The following TCF4 variants were observed in gnomAD, a reference collection of about 807,000 sequenced individuals.
TCF4 encodes transcription factor 4.
In TCF4, 3 loss-of-function variants were observed where a neutral mutation model predicts 82.1. The observed-to-expected ratio is 0.04, with a 90% confidence interval of 0.02 to 0.09. The LOEUF (loss-of-function observed/expected upper bound fraction) is 0.09. Ranked by LOEUF, TCF4 falls within the 10% of genes least tolerant of loss-of-function variation. TCF4 has a pLI of 1.00. For synonymous variants in TCF4, 276 were observed against 309.6 expected (o/e 0.89, Z 1.14); for missense variants, 518 against 852.7 (o/e 0.61, Z 4.89).
At chr18:55,287,303 T>C (rs2063914733) in intron 8 of TCF4, among the ~76,000 whole-genome samples, 1 of 152,194 alleles carries the variant, frequency 6.6e-6, no homozygotes, top group African/African-American at 2.4e-5. Context: ...TCCATATCTA[T>C]ACACCCCATC....
intron 3 of TCF4, among the ~76,000 whole-genome samples, chr18:55,527,707 GTTC>G (rs1409135332): frequency 6.6e-6 from 1 of 152,108 alleles, no homozygotes; most frequent in Non-Finnish European, 1.5e-5. Context: ...GAAAAAGAGA[GTTC>G]TTTTTAGGAA....
At chr18:55,233,209 T>C (rs1372120906) in intron 16 of TCF4, among the ~76,000 whole-genome samples, 1 of 152,208 alleles carries the variant, frequency 6.6e-6, no homozygotes, top group Non-Finnish European at 1.5e-5. Flanking sequence ...ATTTTAGAAA[T>C]TTCTAGCTTT....
chr18:55,484,162 T>G (rs983029006), intron 3 of TCF4, among the ~76,000 whole-genome samples: 1 of 152,222 alleles, frequency 6.6e-6, no homozygotes, highest in African/African-American at 2.4e-5. Flanking sequence ...ACTCCAAATT[T>G]GGATGAAAGA....
intron 8 of TCF4, among the ~76,000 whole-genome samples, chr18:55,289,925 G>A (rs2064643463): frequency 6.6e-6 from 1 of 152,106 alleles, no homozygotes; most frequent in East Asian, 1.9e-4. Flanking sequence ...ATATGTGTGT[G>A]TGCATGTAAT....
At chr18:55,329,827 A>G (rs2077201678) in intron 8 of TCF4, among the ~76,000 whole-genome samples, 2 of 152,250 alleles carry the variant, frequency 1.3e-5, no homozygotes, top group African/African-American at 4.8e-5. Context: ...TGTTTTCAAC[A>G]ATGTCAGCAC....
chr18:55,363,832 T>A (rs920996922), intron 6 of TCF4, among the ~76,000 whole-genome samples: 9 of 151,856 alleles, frequency 5.9e-5, no homozygotes, highest in Admixed American at 1.3e-4. Context: ...TAAATAAAAA[T>A]AAATGAAAAC....
chr18:55,241,603 C>A (rs1230859574), intron 15 of TCF4, among the ~76,000 whole-genome samples: 1 of 152,192 alleles, frequency 6.6e-6, no homozygotes, highest in African/African-American at 2.4e-5. Flanking sequence ...CTGCTGACCT[C>A]CACACAGTTT....
At chr18:55,487,594 T>C (rs2096531075) in intron 3 of TCF4, among the ~76,000 whole-genome samples, 1 of 152,176 alleles carries the variant, frequency 6.6e-6, no homozygotes, top group Non-Finnish European at 1.5e-5. Context: ...TAAATGGTGA[T>C]AGAAATATAT....
intron 3 of TCF4, among the ~76,000 whole-genome samples, chr18:55,515,361 G>A (rs1247406173): frequency 6.6e-6 from 1 of 152,152 alleles, no homozygotes; most frequent in Non-Finnish European, 1.5e-5. Flanking sequence ...TGAACTACGT[G>A]CAGACACATG....
intron 2 of TCF4, among the ~76,000 whole-genome samples, chr18:55,621,815 T>C (rs1246921824): frequency 1.1e-5 from 1 of 87,034 alleles, no homozygotes; most frequent in East Asian, 3.2e-4. Context: ...TATTATATAT[T>C]ATATTATATA....
chr18:55,376,538 CT>C (rs2090794086), intron 6 of TCF4, among the ~76,000 whole-genome samples: 1 of 141,716 alleles, frequency 7.1e-6, no homozygotes, highest in African/African-American at 3.2e-5. Flanking sequence ...CTTCAAGTCA[CT>C]TCTTTGTTTC....
chr18:55,528,925 C>A (rs1016877517), intron 3 of TCF4, among the ~76,000 whole-genome samples: 1 of 152,192 alleles, frequency 6.6e-6, no homozygotes, highest in African/African-American at 2.4e-5. Flanking sequence ...TGCCTATAAT[C>A]CCAGTACTTC....
chr18:55,630,643 T>C (rs2097730643), intron 2 of TCF4, among the ~76,000 whole-genome samples: 1 of 152,238 alleles, frequency 6.6e-6, no homozygotes, highest in Non-Finnish European at 1.5e-5. Context: ...CAGAAACTCT[T>C]GCTAGGAGCA....
chr18:55,587,672 C>T (rs1341028798), intron 1 of TCF4, among the ~76,000 whole-genome samples: 2 of 151,956 alleles, frequency 1.3e-5, no homozygotes, highest in Admixed American at 1.3e-4. Flanking sequence ...AGATGAGCGT[C>T]TCTGGAGTGA....
chr18:55,390,347 TCA>T (rs1419485758), intron 6 of TCF4, among the ~76,000 whole-genome samples: 6,056 of 147,268 alleles, frequency 0.041, 190 homozygotes, highest in South Asian at 0.17. Flanking sequence ...TACTAAGGCC[TCA>T]TGGTTACTAT....
chr18:55,566,137 A>G (rs2097404347), intron 3 of TCF4, among the ~76,000 whole-genome samples: 1 of 151,974 alleles, frequency 6.6e-6, no homozygotes, highest in Non-Finnish European at 1.5e-5. Context: ...GGTGTGAACC[A>G]GGGAGGCGGA....
At chr18:55,302,515 A>G (rs1324575610) in intron 8 of TCF4, 1 of 1,536,092 alleles carries the variant, frequency 6.5e-7, no homozygotes, top group Non-Finnish European at 8.7e-7. Context: ...TTGGTCAGAC[A>G]TGGCTGACAG....
intron 6 of TCF4, among the ~76,000 whole-genome samples, chr18:55,358,034 G>A (rs905457089): frequency 6.6e-6 from 1 of 152,064 alleles, no homozygotes; most frequent in Non-Finnish European, 1.5e-5. Context: ...GTCTGCACTC[G>A]ATGAGCACTA....
intron 4 of TCF4, among the ~76,000 whole-genome samples, chr18:55,463,359 A>G (rs1411582421): frequency 6.6e-6 from 1 of 152,202 alleles, no homozygotes; most frequent in Non-Finnish European, 1.5e-5. Flanking sequence ...GCCCAAGATC[A>G]TATACATACA....
Sources: allele counts gnomAD v4.1 joint callset (sites outside exome capture counted in the v4.1 genomes callset), GRCh38; gene constraint gnomAD v4.1.1; transcripts MANE v1.5; gene names NCBI Gene and HGNC (gene_info 2026-07-23, HGNC 2026-07-21).